The following SKOR2 variants were observed in gnomAD, a reference collection of about 807,000 sequenced individuals.
SKOR2 encodes the protein SKI family transcriptional corepressor 2, also known as LBX1 corepressor 1-like protein.
Under a neutral mutation model 69.1 loss-of-function variants are expected in SKOR2, and 47 were observed. The observed-to-expected ratio is 0.68, with a 90% CI of 0.54 to 0.87. SKOR2 has a LOEUF of 0.87. SKOR2 is among the 40% of genes least tolerant of loss of function. SKOR2 has a pLI of 0.00. For synonymous variants in SKOR2, 717 were observed against 672.6 expected (o/e 1.07, Z -1.02); for missense variants, 1,404 against 1,472.2 (o/e 0.95, Z 0.76).
Position 47,247,839 on chromosome 18 carries a change from C to G in SKOR2, c.1345G>C (p.Gly449Arg). 6 of 1,367,168 alleles carry G rather than the reference C, an allele frequency of 4.4e-6. No individual in the cohort carries two copies. The highest frequency in any genetic ancestry group is 5.6e-6 in the Non-Finnish European group (6 of 1,070,414). 84.7% of individuals were successfully genotyped at this position (1,367,168 alleles called of 1,614,324 possible). A position where few individuals can be genotyped will look rare whatever the true frequency, so the allele number is the denominator to read the frequency against. The change falls in exon 2 of 9, where the codon GGC becomes CGC. Residue 449 changes from glycine (G) to arginine (R), a missense_variant. Physicochemically the swap from Gly to Arg is moderately radical, Grantham distance 125 (BLOSUM62 -2). This residue lies in a region of SKOR2 where 1,266 missense variants were observed against 1,309.9 expected (regional missense o/e 0.97). Coordinates refer to ENST00000425639, the MANE Select transcript of SKOR2 (RefSeq NM_001278063.4). The surrounding 1 kb of genome is among the most constrained non-coding windows in gnomAD (Gnocchi z 6.6). Reference sequence around the variant, plus strand: ...GCGGGCCAGAAGAGGCCGGACAAGCCGGCCTTGGGCGCCGCGCCCGCGCCG... The same window carrying G: ...GCGGGCCAGAAGAGGCCGGACAAGCGGGCCTTGGGCGCCGCGCCCGCGCCG... ...AGGAGAAPKA[G>R]LSGLFWPAGR... is the part of the protein sequence containing the mutation.
At position 47,247,827 on chromosome 18, in the gene SKOR2, G is replaced by T; in HGVS notation, c.1357C>A (p.Leu453Ile). The change falls in exon 2 of 9, where the codon CTC (leucine) becomes ATC (isoleucine). Residue 453 changes from leucine to isoleucine, a missense_variant. Leu to Ile is a conservative substitution (Grantham distance 5, BLOSUM62 2). Around this residue, in one of 3 missense-constraint regions of SKOR2, gnomAD observed 1,266 missense variants for 1,309.9 expected, o/e 0.97. Coordinates refer to ENST00000425639, the MANE Select transcript of SKOR2 (RefSeq NM_001278063.4). This position sits in a 1 kb window ranked among gnomAD's most constrained non-coding sequence, Gnocchi z 6.6. Reference protein sequence around the residue: ...GAAPKAGLSGLFWPAGRKDAF... With the variant: ...GAAPKAGLSGIFWPAGRKDAF... ...TCCTTGCGGCCCGCGGGCCAGAAGAGGCCGGACAAGCCGGCCTTGGGCGCC... is the reference window on the plus strand; with the variant it reads ...TCCTTGCGGCCCGCGGGCCAGAAGATGCCGGACAAGCCGGCCTTGGGCGCC... 1 of 1,386,572 alleles carries T rather than the reference G, an allele frequency of 7.2e-7. No homozygotes were observed. The highest frequency in any genetic ancestry group is 9.3e-7 in the Non-Finnish European group (1 of 1,079,070). 85.9% of individuals were successfully genotyped at this position (1,386,572 alleles called of 1,614,324 possible).
chr18:47,237,724 G>T (rs1439121493), intron 4 of SKOR2, among the ~76,000 whole-genome samples: 2 of 146,502 alleles, frequency 1.4e-5, no homozygotes, highest in Admixed American at 6.8e-5. Context: ...TTGAGACAGG[G>T]TCTTGCTCTG....
chr18:47,218,778 T>C (rs1178224495), intron 7 of SKOR2, among the ~76,000 whole-genome samples: 1 of 152,104 alleles, frequency 6.6e-6, no homozygotes, highest in Non-Finnish European at 1.5e-5. Context: ...GAATGGGAAT[T>C]TGTTATTAAA....
At position 47,220,710 on chromosome 18, in the gene SKOR2, C is replaced by A. The variant is rs575232141; in HGVS notation, c.2918-700G>T. Among the ~76,000 whole-genome samples the A allele has an allele frequency of 5.9e-5, 9 of 152,274 alleles. No homozygotes were observed. In the South Asian group the frequency reaches 1.9e-3, roughly 32 times the overall value. On this transcript the variant is annotated intron_variant, in intron 6 of 8. Transcript: ENST00000425639. ...TATTGCATTAGGGAAAAAATGACTT[C>A]CAAATGTACAGTTTAGTGTTACATC...
In SKOR2 at chr18:47,247,876, G is replaced by T; in HGVS notation, c.1308C>A (p.Gly436=). The stretch of plus-strand genomic sequence containing the variant: ...CCGCGCCCGCGCCGCCTGCGCCCGC[G>T]CCCCCCAGGGCCTCAGCGGCGGCAC... ...DAGAAAEALG[G]AGAGGAGAAP... Residue 436 remains glycine (G), a synonymous_variant, in exon 2 of 9, where the codon GGC becomes GGA. Coordinates refer to ENST00000425639, the MANE Select transcript of SKOR2 (RefSeq NM_001278063.4). The surrounding 1 kb of genome is among the most constrained non-coding windows in gnomAD (Gnocchi z 6.6). The T allele has an allele frequency of 2.2e-6, 3 of 1,354,148 alleles. No homozygotes were observed. The highest frequency in any genetic ancestry group is 2.8e-6 in the Non-Finnish European group (3 of 1,063,084). 83.9% of individuals were successfully genotyped at this position (1,354,148 alleles called of 1,614,324 possible).
At chr18:47,230,398 G>T in intron 6 of SKOR2, 61 bp downstream of exon 6, 2 of 995,964 alleles carry the variant, frequency 2.0e-6, no homozygotes, top group Non-Finnish European at 2.7e-6. Flanking sequence ...ACATTCTTAA[G>T]CCTAATAATA....
At position 47,248,837 on chromosome 18, in the gene SKOR2, C is replaced by G; in HGVS notation, c.347G>C (p.Gly116Ala). ...GAMPISSRRC[G>A]MITKREAERL... ...CTCGGCCTCGCGTTTGGTGATCATG[C>G]CGCAGCGGCGCGATGAGATGGGCAT... Residue 116 changes from glycine to alanine, a missense_variant, in exon 2 of 9, where the codon GGC (glycine) becomes GCC (alanine). Physicochemically the swap from Gly to Ala is moderately conservative, Grantham distance 60. Transcript: ENST00000425639. The surrounding 1 kb of genome is among the most constrained non-coding windows in gnomAD (Gnocchi z 6.4). 6.4e-7 allele frequency: 1 copy of G among 1,560,786 alleles called. No homozygotes were observed. The highest frequency in any genetic ancestry group is 8.6e-7 in the Non-Finnish European group (1 of 1,160,922).
chr18:47,247,712 G>C lies in SKOR2; in HGVS notation c.1472C>G (p.Pro491Arg). The C allele has an allele frequency of 7.4e-7, 1 of 1,360,516 alleles. No homozygotes were observed. Among genetic ancestry groups the C allele is most frequent in the Non-Finnish European group, 9.4e-7 (1 of 1,066,362 alleles). The allele number at this position is 1,360,516 out of a possible 1,614,324, so 84.3% of individuals were successfully genotyped here. ...VPTYLQPPPQ[P>R]PSALGCALGE... Reference sequence around the variant, plus strand: ...TAGCGCGCAGCCTAGCGCCGAGGGCGGCTGAGGCGGGGGCTGCAGGTAGGT... The same window carrying C: ...TAGCGCGCAGCCTAGCGCCGAGGGCCGCTGAGGCGGGGGCTGCAGGTAGGT... The change falls in exon 2 of 9, where the codon CCG becomes CGG. Residue 491 changes from proline (P) to arginine (R), a missense_variant. Coordinates refer to ENST00000425639, the MANE Select transcript of SKOR2 (RefSeq NM_001278063.4). This position sits in a 1 kb window ranked among gnomAD's most constrained non-coding sequence, Gnocchi z 6.6.
rs572941744 is a variant in SKOR2, at chr18:47,219,111, G to A, written c.2985+832C>T. On this transcript the variant is annotated intron_variant, in intron 7 of 8. Coordinates refer to ENST00000425639, the MANE Select transcript of SKOR2 (RefSeq NM_001278063.4). ...ATGATTAATGGTTGAAAGGTAGCAC[G>A]GATCAGTACAGAAATGTCAAGAAAC... 2.6e-5 allele frequency among the ~76,000 whole-genome samples: 4 copies of A among 152,304 alleles called. No homozygotes were observed. In the South Asian group the frequency reaches 8.3e-4, roughly 32 times the overall value.
Position 47,230,542 on chromosome 18 carries a change from A to T in SKOR2, c.2834T>A (p.Val945Asp). ...CCGTAAATCTATTTGTTCAAATAAA[A>T]CCTTCTGAAGTTCTTCTAATAAAAA... ...ENMGKEELQKVLFEQIDLRRR... is the reference protein window; with the variant it reads ...ENMGKEELQKDLFEQIDLRRR... The change falls in exon 6 of 9, where the codon GTT becomes GAT. Residue 945 changes from valine (V) to aspartate (D), a missense_variant. Val to Asp is a radical substitution (Grantham distance 152). Around this residue, in one of 3 missense-constraint regions of SKOR2, gnomAD observed 1,266 missense variants for 1,309.9 expected, o/e 0.97. Coordinates refer to ENST00000425639, the MANE Select transcript of SKOR2 (RefSeq NM_001278063.4). The T allele has an allele frequency of 7.0e-7, 1 of 1,433,262 alleles. No homozygotes were observed. The allele number at this position is 1,433,262 out of a possible 1,614,324, so 88.8% of individuals were successfully genotyped here.
Position 47,245,577 on chromosome 18 carries a change from T to G in SKOR2, c.2614-16A>C, listed in dbSNP as rs1440033123. 2.0e-6 allele frequency: 3 copies of G among 1,505,568 alleles called. No individual in the cohort carries two copies. Among genetic ancestry groups the G allele is most frequent in the Admixed American group, 2.2e-5 (1 of 45,080 alleles). The allele number at this position is 1,505,568 out of a possible 1,614,324, so 93.3% of individuals were successfully genotyped here. ...TTTTCTGACTCTGTGTGGAAAAGAA[T>G]TAGACATACAAATCAATGCCCGGAT... On this transcript the variant is annotated splice_polypyrimidine_tract_variant and intron_variant, in intron 2 of 8. Transcript: ENST00000425639.
At chr18:47,217,222 C>CA (rs1334954832) in intron 7 of SKOR2, among the ~76,000 whole-genome samples, 7 of 152,174 alleles carry the variant, frequency 4.6e-5, no homozygotes, top group Non-Finnish European at 7.3e-5. Context: ...AGAAGGGCCA[C>CA]ACCATTAAAT....
At position 47,247,254 on chromosome 18, in the gene SKOR2, C is replaced by T; in HGVS notation, c.1930G>A (p.Ala644Thr). Residue 644 changes from alanine to threonine, a missense_variant, in exon 2 of 9, where the codon GCG becomes ACG. Coordinates refer to ENST00000425639, the MANE Select transcript of SKOR2 (RefSeq NM_001278063.4). This position sits in a 1 kb window ranked among gnomAD's most constrained non-coding sequence, Gnocchi z 6.6. ...GTCTGGGCCGAGTGGGGCGCGCCCG[C>T]CGACGCCCCGTGCAGCTTGGCCAGG... Reference protein sequence around the residue: ...ESLAKLHGASAGAPHSAQTHP... With the variant: ...ESLAKLHGASTGAPHSAQTHP... 6.8e-7 allele frequency: 1 copy of T among 1,473,984 alleles called. No homozygotes were observed. The highest frequency in any genetic ancestry group is 8.9e-7 in the Non-Finnish European group (1 of 1,117,924). 91.3% of individuals were successfully genotyped at this position (1,473,984 alleles called of 1,614,324 possible). A position where few individuals can be genotyped will look rare whatever the true frequency, so the allele number is the denominator to read the frequency against.
chr18:47,216,192 C>T (rs1477558211), intron 7 of SKOR2, among the ~76,000 whole-genome samples: 1 of 152,146 alleles, frequency 6.6e-6, no homozygotes, highest in Non-Finnish European at 1.5e-5. Flanking sequence ...CTTTATTACA[C>T]TAAACATTTA....
rs753158744 is a variant in SKOR2, at chr18:47,247,078, GGGCGGC to G, written c.2100_2105del (p.Pro705_Pro706del). 4.5e-5 allele frequency: 62 copies of G among 1,368,852 alleles called. 1 individual carries two copies. Among genetic ancestry groups the G allele is most frequent in the Middle Eastern group, 2.6e-4 (1 of 3,794 alleles). The allele number at this position is 1,368,852 out of a possible 1,614,324, so 84.8% of individuals were successfully genotyped here. A position where few individuals can be genotyped will look rare whatever the true frequency, so the allele number is the denominator to read the frequency against. The stretch of plus-strand genomic sequence containing the variant: ...GGTGCTGGGCCAGAGGGGGCGGCGG[GGGCGGC>G]GGCGGCGGCGGCGGCGGGGCCGGGT... On this transcript the variant is annotated inframe_deletion, in exon 2 of 9. Coordinates refer to ENST00000425639, the MANE Select transcript of SKOR2 (RefSeq NM_001278063.4). The surrounding 1 kb of genome is among the most constrained non-coding windows in gnomAD (Gnocchi z 6.6).
chr18:47,234,388 A>G (rs561786168), intron 4 of SKOR2: 2 of 152,348 alleles, frequency 1.3e-5, no homozygotes, highest in Non-Finnish European at 2.9e-5. Context: ...GTTTGGAAAC[A>G]TCCCTAAAGT....
At chr18:47,218,240 C>G (rs1289194399) in intron 7 of SKOR2, among the ~76,000 whole-genome samples, 1 of 152,070 alleles carries the variant, frequency 6.6e-6, no homozygotes. Flanking sequence ...ACCACCACCC[C>G]CTGAAATCAC....
chr18:47,247,531 G>A lies in SKOR2; in HGVS notation c.1653C>T (p.Ala551=). 1 of 1,215,652 alleles carries A rather than the reference G, an allele frequency of 8.2e-7. No homozygotes were observed. The highest frequency in any genetic ancestry group is 1.0e-6 in the Non-Finnish European group (1 of 978,448). 75.3% of individuals were successfully genotyped at this position (1,215,652 alleles called of 1,614,324 possible). ...ACTCGAAGAGCGCGTCGCGAGAGCC[G>A]GCGCCCCCGGCAGGAGGAGGTGGGC... ...GSGPPPPAGG[A]GSRDALFESP... The change falls in exon 2 of 9, where the codon GCC becomes GCT. Residue 551 remains alanine (A), a synonymous_variant. Transcript: ENST00000425639. This position sits in a 1 kb window ranked among gnomAD's most constrained non-coding sequence, Gnocchi z 6.6.
intron 4 of SKOR2, among the ~76,000 whole-genome samples, chr18:47,235,944 A>G (rs2064221486): frequency 6.6e-6 from 1 of 152,130 alleles, no homozygotes; most frequent in Non-Finnish European, 1.5e-5. Flanking sequence ...TTCTCCCCAC[A>G]AAGTCTCTAG....
Sources: allele counts gnomAD v4.1 joint callset (sites outside exome capture counted in the v4.1 genomes callset), GRCh38; gene constraint gnomAD v4.1.1; regional missense constraint gnomAD v4.1.1; non-coding constraint Gnocchi (gnomAD v3.1); transcripts MANE v1.5; gene names NCBI Gene and HGNC (gene_info 2026-07-23, HGNC 2026-07-21).